The following FAM135B variants were observed in gnomAD, a reference collection of about 807,000 sequenced individuals.
FAM135B encodes the protein protein FAM135B.
In FAM135B, 43 loss-of-function variants were observed where a neutral mutation model predicts 127.7. The ratio of observed to expected loss-of-function variants is 0.34; its 90% confidence interval spans 0.26 to 0.43. FAM135B has a LOEUF of 0.43. Among genes scored for constraint, FAM135B ranks in the 20% least tolerant of loss-of-function variants. The pLI is 1.00. For synonymous variants in FAM135B, 670 were observed against 665.1 expected (o/e 1.01, Z -0.11); for missense variants, 1,558 against 1,725.6 (o/e 0.90, Z 1.72).
intron 1 of FAM135B, among the ~76,000 whole-genome samples, chr8:138,479,341 G>C (rs1296410934): frequency 6.6e-6 from 1 of 152,126 alleles, no homozygotes; most frequent in Non-Finnish European, 1.5e-5. Flanking sequence ...TGGAGGTTGG[G>C]AGGCCGGGGG....
intron 14 of FAM135B, 66 bp downstream of exon 14, chr8:138,148,454 A>T (rs2130685377): frequency 1.5e-6 from 2 of 1,301,034 alleles, no homozygotes; most frequent in Non-Finnish European, 2.2e-6. Flanking sequence ...CATCTAAATT[A>T]ATACATAAAT....
Position 138,132,893 on chromosome 8 carries a change from G to A in FAM135B, c.4016-95C>T, listed in dbSNP as rs948598819. ...GATGTGTGTCGAAATTCTGTTCCTG[G>A]GCAGACCTGTTATACAGCAGTTTCC... On this transcript the variant is annotated intron_variant, in intron 19 of 19. Transcript: ENST00000395297. This position sits in a 1 kb window ranked among gnomAD's most constrained non-coding sequence, Gnocchi z 4.5. The A allele has an allele frequency of 9.9e-6, 11 of 1,109,548 alleles. No individual in the cohort carries two copies. The highest frequency in any genetic ancestry group is 1.5e-5 in the Non-Finnish European group (11 of 730,626). 68.7% of individuals were successfully genotyped at this position (1,109,548 alleles called of 1,614,324 possible). A position where few individuals can be genotyped will look rare whatever the true frequency, so the allele number is the denominator to read the frequency against.
chr8:138,238,501 C>A (rs1169162059), intron 7 of FAM135B, among the ~76,000 whole-genome samples: 1 of 152,020 alleles, frequency 6.6e-6, no homozygotes, highest in Non-Finnish European at 1.5e-5. Context: ...AAAGAGGCCA[C>A]GAGGGGAGAG....
At chr8:138,376,477 C>A (rs946611779) in intron 1 of FAM135B, among the ~76,000 whole-genome samples, 7 of 152,178 alleles carry the variant, frequency 4.6e-5, no homozygotes, top group African/African-American at 1.7e-4. Context: ...AGATCTCGAG[C>A]ACCAAGAAGC....
chr8:138,182,480 G>A (rs1815145831), intron 9 of FAM135B, among the ~76,000 whole-genome samples: 2 of 152,170 alleles, frequency 1.3e-5, no homozygotes, highest in African/African-American at 4.8e-5. Flanking sequence ...AAGCACCTTT[G>A]TTCACTCCCC....
intron 7 of FAM135B, among the ~76,000 whole-genome samples, chr8:138,230,552 G>A (rs572002582): frequency 7.7e-4 from 118 of 152,288 alleles, no homozygotes; most frequent in African/African-American, 2.6e-3. Flanking sequence ...CTCTACTGCA[G>A]CTGGGAATGG....
At chr8:138,485,570 G>A (rs563816714) in intron 1 of FAM135B, among the ~76,000 whole-genome samples, 2 of 152,252 alleles carry the variant, frequency 1.3e-5, no homozygotes, top group South Asian at 2.1e-4. Context: ...CATAGGTTGT[G>A]TATTATCATT....
chr8:138,384,894 G>A (rs919478090), intron 1 of FAM135B, among the ~76,000 whole-genome samples: 9 of 152,050 alleles, frequency 5.9e-5, no homozygotes, highest in Admixed American at 2.6e-4. Context: ...CAGCAGAGGG[G>A]ATGGGAGACC....
At chr8:138,447,822 G>C (rs189084099) in intron 1 of FAM135B, among the ~76,000 whole-genome samples, 1,942 of 135,990 alleles carry the variant, frequency 0.014, 42 homozygotes, top group African/African-American at 0.055. Flanking sequence ...AAAAAAAAAA[G>C]AAAAAATAAA....
chr8:138,415,280 T>C (rs967844121), intron 1 of FAM135B, among the ~76,000 whole-genome samples: 3 of 152,188 alleles, frequency 2.0e-5, no homozygotes, highest in Non-Finnish European at 4.4e-5. Context: ...AAATCTAAGT[T>C]GGTGGGCTAT....
rs1306914598 is a variant in FAM135B, at chr8:138,153,160, T to C, written c.1315A>G (p.Met439Val). The change falls in exon 13 of 20, where the codon ATG becomes GTG. Residue 439 changes from methionine (M) to valine (V), a missense_variant. By Grantham distance (21) the Met-to-Val change is conservative. Transcript: ENST00000395297. ...FDVPVTSPTI[M>V]NLKDKEDNCM... ...TTATCTTCCTTGTCTTTCAGATTCA[T>C]TATTGTAGGACTTGTCACTGGAACA... The C allele has an allele frequency of 3.1e-6, 5 of 1,610,000 alleles. No individual in the cohort carries two copies. The East Asian group carries it at 1.1e-4, about 36-fold the overall frequency.
intron 1 of FAM135B, among the ~76,000 whole-genome samples, chr8:138,470,970 G>A (rs1587531941): frequency 1.3e-5 from 2 of 152,306 alleles, no homozygotes; most frequent in South Asian, 4.1e-4. Flanking sequence ...TGAAATACAT[G>A]CCTCTCACTC....
rs373403255 is a variant in FAM135B at position 138,200,644 on chromosome 8, T to C, written c.670-2975A>G. On this transcript the variant is annotated intron_variant, in intron 7 of 19. Coordinates refer to ENST00000395297, the MANE Select transcript of FAM135B (RefSeq NM_015912.4). ...AAGTGTCCCATTCCCCCCAGCCTAATAATTTTTTTCTTGTAGATTCTTCTG... is the reference window on the plus strand; with the variant it reads ...AAGTGTCCCATTCCCCCCAGCCTAACAATTTTTTTCTTGTAGATTCTTCTG... Among the ~76,000 whole-genome samples the C allele has an allele frequency of 1.8e-4, 27 of 152,300 alleles. No homozygotes were observed. In the East Asian group the frequency reaches 3.5e-3, roughly 20 times the overall value.
At chr8:138,349,137 T>C (rs1327091042) in intron 2 of FAM135B, among the ~76,000 whole-genome samples, 2 of 152,236 alleles carry the variant, frequency 1.3e-5, no homozygotes, top group African/African-American at 4.8e-5. Context: ...GGAAACCCCC[T>C]TCAGTTCACC....
intron 1 of FAM135B, chr8:138,440,771 T>C (rs1242597441): frequency 6.6e-6 from 1 of 151,814 alleles, no homozygotes; most frequent in Non-Finnish European, 1.5e-5. Flanking sequence ...ACTCATACTG[T>C]AGGCTTCCTC....
intron 11 of FAM135B, among the ~76,000 whole-genome samples, chr8:138,172,979 C>G (rs1022614481): frequency 1.3e-5 from 2 of 152,174 alleles, no homozygotes; most frequent in Non-Finnish European, 1.5e-5. Context: ...ACACCTGTGT[C>G]TGAGCGTGCA....
At chr8:138,370,871 T>A (rs769047713) in intron 1 of FAM135B, among the ~76,000 whole-genome samples, 4 of 152,244 alleles carry the variant, frequency 2.6e-5, no homozygotes, top group Non-Finnish European at 5.9e-5. Context: ...TCTTTCCATC[T>A]GAAGATTAGT....
At chr8:138,405,246 T>A (rs113147890) in intron 1 of FAM135B, among the ~76,000 whole-genome samples, 402 of 151,722 alleles carry the variant, frequency 2.6e-3, no homozygotes, top group Non-Finnish European at 4.9e-3. Context: ...ATACTTTAAG[T>A]TTTAGGGTAC....
chr8:138,291,155 C>G (rs1825081651), intron 3 of FAM135B, among the ~76,000 whole-genome samples: 1 of 152,190 alleles, frequency 6.6e-6, no homozygotes, highest in South Asian at 2.1e-4. Flanking sequence ...TAGCCTGAAT[C>G]TGAACAAACA....
Sources: allele counts gnomAD v4.1 joint callset (sites outside exome capture counted in the v4.1 genomes callset), GRCh38; gene constraint gnomAD v4.1.1; non-coding constraint Gnocchi (gnomAD v3.1); transcripts MANE v1.5; gene names NCBI Gene and HGNC (gene_info 2026-07-23, HGNC 2026-07-21).